Variants in ARMC3 observed in about 807,000 individuals in gnomAD.
ARMC3 encodes armadillo repeat-containing protein 3.
ARMC3 carries 74 observed loss-of-function variants against 90.3 expected under a neutral mutation model. That is an observed-to-expected ratio of 0.82 (90% CI 0.68 to 0.99). ARMC3 has a LOEUF of 0.99. Ranked by LOEUF, ARMC3 falls within the 50% of genes least tolerant of loss-of-function variation. The pLI is 0.00. For synonymous variants in ARMC3, 334 were observed against 361.8 expected (o/e 0.92, Z 0.87); for missense variants, 958 against 1,042.8 (o/e 0.92, Z 1.12).
chr10:23,038,213 T>C lies in ARMC3; in HGVS notation c.*734T>C, dbSNP rs1265629794. ...AATTTATAGAACTAAAAAATTTTTA[T>C]TTTTTGGAAAACTTTGAAGCATAAA... On this transcript the variant is annotated 3_prime_UTR_variant, in exon 19 of 19. Transcript: ENST00000298032. 6.6e-6 allele frequency: 1 copy of C among 152,172 alleles called. No individual in the cohort carries two copies. Among genetic ancestry groups the C allele is most frequent in the Non-Finnish European group, 1.5e-5 (1 of 68,034 alleles). The allele number at this position is 152,172 out of a possible 1,614,324, so 9.4% of individuals were successfully genotyped here. A position where few individuals can be genotyped will look rare whatever the true frequency, so the allele number is the denominator to read the frequency against.
Position 22,962,000 on chromosome 10 carries a change from T to C in ARMC3, c.654T>C (p.Ile218=). ...TGGCTCTCAAAACCTTAGGTGTTAT[T>C]GCAAATGATAAGGAGTCTCGAACAA... ...QLLALKTLGV[I]ANDKESRTML... is the part of the protein sequence containing the mutation. The change falls in exon 7 of 19, where the codon ATT becomes ATC. Residue 218 remains isoleucine (I), a synonymous_variant. Transcript: ENST00000298032. The C allele has an allele frequency of 1.2e-6, 2 of 1,612,652 alleles. No individual in the cohort carries two copies. The highest frequency in any genetic ancestry group is 1.3e-5 in the African/African-American group (1 of 74,966).
chr10:23,008,415 C>T (rs1454757178), intron 15 of ARMC3, 41 bp downstream of exon 15: 2 of 1,044,182 alleles, frequency 1.9e-6, no homozygotes, highest in African/African-American at 1.6e-5. Context: ...ACAGCTTCCC[C>T]TTTAATTTGA....
At chr10:22,946,841 C>A (rs1834547832) in intron 3 of ARMC3, among the ~76,000 whole-genome samples, 1 of 152,112 alleles carries the variant, frequency 6.6e-6, no homozygotes, top group Non-Finnish European at 1.5e-5. Flanking sequence ...ACCTGACAAA[C>A]ACTACCGCAG....
chr10:22,930,289 A>G (rs1815753699), intron 1 of ARMC3, among the ~76,000 whole-genome samples: 2 of 152,178 alleles, frequency 1.3e-5, no homozygotes, highest in Admixed American at 6.5e-5. Flanking sequence ...AAATGCTTAT[A>G]TTGGCTCTAA....
At chr10:22,995,538 G>A (rs1047464898) in intron 10 of ARMC3, among the ~76,000 whole-genome samples, 2 of 152,090 alleles carry the variant, frequency 1.3e-5, no homozygotes, top group African/African-American at 4.8e-5. Context: ...AGAATCTTTG[G>A]TTTTTTAAAC....
chr10:22,955,864 T>G lies in ARMC3; in HGVS notation c.224T>G (p.Leu75Arg). 1 of 1,613,886 alleles carries G rather than the reference T, an allele frequency of 6.2e-7. No homozygotes were observed. Among genetic ancestry groups the G allele is most frequent in the South Asian group, 1.1e-5 (1 of 91,076 alleles). The change falls in exon 4 of 19, where the codon CTA becomes CGA. Residue 75 changes from leucine to arginine, a missense_variant. Leu to Arg is a moderately radical substitution (Grantham distance 102). Transcript: ENST00000298032. Reference sequence around the variant, plus strand: ...GGAGCTGTGGAACCTTTAACTAAGCTACTCACCCATGAAGACAAAATTGTA... The same window carrying G: ...GGAGCTGTGGAACCTTTAACTAAGCGACTCACCCATGAAGACAAAATTGTA... ...ELGAVEPLTKLLTHEDKIVRR... is the reference protein window; with the variant it reads ...ELGAVEPLTKRLTHEDKIVRR...
chr10:23,017,160 T>C (rs11814322), intron 16 of ARMC3, among the ~76,000 whole-genome samples: 81,090 of 151,894 alleles, frequency 0.53, 23,036 homozygotes, highest in Non-Finnish European at 0.62. Flanking sequence ...TTTATTAGAA[T>C]GCATGGTGGG....
intron 11 of ARMC3, among the ~76,000 whole-genome samples, chr10:22,999,574 A>G (rs1401315523): frequency 6.6e-6 from 1 of 152,262 alleles, no homozygotes; most frequent in Admixed American, 6.5e-5. Context: ...ACTATGTGCC[A>G]GTGCTAAGCA....
At chr10:22,972,361 G>A (rs1384146446) in intron 8 of ARMC3, among the ~76,000 whole-genome samples, 1 of 151,960 alleles carries the variant, frequency 6.6e-6, no homozygotes, top group African/African-American at 2.4e-5. Context: ...TTTATATAGG[G>A]TATAAAATTA....
At position 23,008,461 on chromosome 10, in the gene ARMC3, A is replaced by G. The variant is rs1489756902; in HGVS notation, c.1928+87A>G. ...ATGTTTTAGATTTTAGATTGGGGCA[A>G]CTTGATTTTTATTCTTCTTATGGTA... On this transcript the variant is annotated intron_variant, in intron 15 of 18. Coordinates refer to ENST00000298032, the MANE Select transcript of ARMC3 (RefSeq NM_173081.5). The G allele has an allele frequency of 5.2e-6, 4 of 767,000 alleles. No homozygotes were observed. The African/African-American group carries it at 7.1e-5, about 14-fold the overall frequency. The allele number at this position is 767,000 out of a possible 1,614,324, so 47.5% of individuals were successfully genotyped here.
Position 22,959,082 on chromosome 10 carries a change from A to C in ARMC3, c.305A>C (p.Lys102Thr). 1.9e-6 allele frequency: 3 copies of C among 1,610,668 alleles called. No homozygotes were observed. Among genetic ancestry groups the C allele is most frequent in the Non-Finnish European group, 1.7e-6 (2 of 1,176,914 alleles). ...GILASNNDVK[K>T]LLRELDVMNS... is the part of the protein sequence containing the mutation. ...TCTTCCTTTGTAGATGATGTTAAAA[A>C]ATTGTTAAGGGAGTTAGATGTCATG... Residue 102 changes from lysine to threonine, a missense_variant, in exon 5 of 19, where the codon AAA (lysine) becomes ACA (threonine). Coordinates refer to ENST00000298032, the MANE Select transcript of ARMC3 (RefSeq NM_173081.5).
chr10:22,930,474 T>G (rs1833886336), intron 1 of ARMC3, among the ~76,000 whole-genome samples: 1 of 152,242 alleles, frequency 6.6e-6, no homozygotes, highest in Admixed American at 6.5e-5. Context: ...TGACATTTAA[T>G]GGGCGATGCA....
In ARMC3 at chr10:22,985,046, A is replaced by ATTT. The variant is rs535085393; in HGVS notation, c.1175+3372_1175+3374dup. ...CACCATCCCACCCAGTTAATTTTTCATTTTTTTTTTTTTTTTTTTTTTTTT... is the reference window on the plus strand; with the variant it reads ...CACCATCCCACCCAGTTAATTTTTCATTTTTTTTTTTTTTTTTTTTTTTTTTTT... On this transcript the variant is annotated intron_variant, in intron 10 of 18. Transcript: ENST00000298032. Among the ~76,000 whole-genome samples the ATTT allele has an allele frequency of 1.3e-4, 11 of 83,570 alleles. No homozygotes were observed. The South Asian group carries it at 1.6e-3, about 12-fold the overall frequency. The allele number at this position is 83,570 out of a possible 152,430, so 54.8% of individuals were successfully genotyped here. A position where few individuals can be genotyped will look rare whatever the true frequency, so the allele number is the denominator to read the frequency against.
intron 16 of ARMC3, among the ~76,000 whole-genome samples, chr10:23,027,335 G>T (rs1388748342): frequency 6.6e-6 from 1 of 152,122 alleles, no homozygotes; most frequent in Non-Finnish European, 1.5e-5. Flanking sequence ...AGATCATGTA[G>T]GAATTCAACA....
chr10:22,952,429 A>G (rs77907358), intron 3 of ARMC3, among the ~76,000 whole-genome samples: 2,435 of 152,280 alleles, frequency 0.016, 24 homozygotes, highest in South Asian at 0.028. Flanking sequence ...AAATTCTACA[A>G]CTTAGATTAA....
chr10:23,014,332 C>G, intron 16 of ARMC3: 1 of 1,369,986 alleles, frequency 7.3e-7, no homozygotes, highest in East Asian at 2.7e-5. Flanking sequence ...CGTCCCTTCT[C>G]TCTTCCCTTC....
At chr10:22,938,148 C>A (rs776003574) in intron 2 of ARMC3, among the ~76,000 whole-genome samples, 1 of 152,120 alleles carries the variant, frequency 6.6e-6, no homozygotes, top group Admixed American at 6.6e-5. Context: ...GGATCTCAAC[C>A]AAAACACACT....
chr10:23,033,535 T>A (rs1349500916), intron 18 of ARMC3, among the ~76,000 whole-genome samples: 2 of 152,166 alleles, frequency 1.3e-5, no homozygotes, highest in African/African-American at 4.8e-5. Flanking sequence ...TGAGAATCAG[T>A]GATCTATCTG....
intron 18 of ARMC3, among the ~76,000 whole-genome samples, chr10:23,035,581 G>A (rs1295767707): frequency 6.6e-6 from 1 of 151,306 alleles, no homozygotes; most frequent in African/African-American, 2.4e-5. Flanking sequence ...CCAGTTTTTT[G>A]GCCTGTTTGG....
Sources: gnomAD v4.1 joint callset for allele counts (sites outside exome capture counted in the v4.1 genomes callset) on GRCh38, gnomAD v4.1.1 for gene constraint, MANE v1.5 for transcripts, NCBI Gene and HGNC (gene_info 2026-07-23, HGNC 2026-07-21) for gene names.